The following SNX29 variants were observed in gnomAD, a reference collection of about 807,000 sequenced individuals.
The protein encoded by SNX29 is sorting nexin-29.
Under a neutral mutation model 102.1 loss-of-function variants are expected in SNX29, and 78 were observed. That is an observed-to-expected ratio of 0.76 (90% CI 0.64 to 0.92). The LOEUF (loss-of-function observed/expected upper bound fraction) is 0.92. Among genes scored for constraint, SNX29 ranks in the 40% least tolerant of loss-of-function variants. The pLI, the probability that SNX29 is intolerant of heterozygous loss-of-function variation, is 0.00. For missense variants in SNX29, 1,280 were observed against 1,061.7 expected, an observed-to-expected ratio of 1.21 and a Z score of -2.86; for synonymous variants, 580 against 414.5, an observed-to-expected ratio of 1.40 and a Z score of -4.85.
intron 9 of SNX29, among the ~76,000 whole-genome samples, chr16:12,065,209 A>C (rs1320408307): frequency 6.6e-6 from 1 of 152,164 alleles, no homozygotes; most frequent in Non-Finnish European, 1.5e-5. Context: ...CCAGGTTGCA[A>C]GAGGAGACCC....
At chr16:12,363,686 A>G (rs767634316) in intron 16 of SNX29, among the ~76,000 whole-genome samples, 1 of 152,232 alleles carries the variant, frequency 6.6e-6, no homozygotes, top group African/African-American at 2.4e-5. Flanking sequence ...GGCTGAGTGC[A>G]TAGACCAAAT....
chr16:12,172,809 G>C (rs142842348), intron 13 of SNX29, among the ~76,000 whole-genome samples: 338 of 152,348 alleles, frequency 2.2e-3, no homozygotes, highest in African/African-American at 7.7e-3. Context: ...TAATGGATGT[G>C]AAGTGGCACA....
chr16:12,398,538 G>GA, intron 17 of SNX29, 37 bp downstream of exon 17: 1 of 1,611,302 alleles, frequency 6.2e-7, no homozygotes, highest in African/African-American at 1.3e-5. Flanking sequence ...GGGTCCTTTA[G>GA]AAACTGGACT....
chr16:12,423,635 A>G (rs531420004), intron 18 of SNX29, among the ~76,000 whole-genome samples: 2 of 152,152 alleles, frequency 1.3e-5, no homozygotes, highest in Non-Finnish European at 2.9e-5. Context: ...CAGTGGCGCC[A>G]TCTTGGCTCA....
rs1005503157 is a variant in SNX29 at position 12,573,532 on chromosome 16, G to C, written c.*4903G>C. ...AGGCCCAGGGATTTAGTTCTTACTG[G>C]TGCGTAAGTGTTTTCCCATCCTAAC... On this transcript the variant is annotated 3_prime_UTR_variant, in exon 21 of 21. Coordinates refer to ENST00000566228, the MANE Select transcript of SNX29 (RefSeq NM_032167.5). 1.8e-5 allele frequency: 4 copies of C among 224,762 alleles called. No homozygotes were observed. Among genetic ancestry groups the C allele is most frequent in the African/African-American group, 8.9e-5 (4 of 44,898 alleles). The allele number at this position is 224,762 out of a possible 1,614,324, so 13.9% of individuals were successfully genotyped here. A position where few individuals can be genotyped will look rare whatever the true frequency, so the allele number is the denominator to read the frequency against.
chr16:12,200,068 C>T (rs2076875434), intron 14 of SNX29, among the ~76,000 whole-genome samples: 1 of 152,114 alleles, frequency 6.6e-6, no homozygotes, highest in African/African-American at 2.4e-5. Context: ...TTAGGCTGAT[C>T]AGGTTCCAAT....
rs571694461 is a variant in SNX29, at chr16:12,360,141, A to G, written c.1899+3862A>G. On this transcript the variant is annotated intron_variant, in intron 16 of 20. Transcript: ENST00000566228. ...ACCTGGCCTAACACCTATTGTTAAC[A>G]GTAATTTCATGATATCATGAAATAC... Among the ~76,000 whole-genome samples the G allele has an allele frequency of 1.3e-3, 197 of 152,344 alleles. 1 individual carries two copies. The highest frequency in any genetic ancestry group is 4.6e-3 in the South Asian group (22 of 4,826).
chr16:12,558,549 G>A (rs866339739), intron 20 of SNX29, among the ~76,000 whole-genome samples: 9 of 152,212 alleles, frequency 5.9e-5, no homozygotes, highest in African/African-American at 1.4e-4. Flanking sequence ...ACAGTGCCAT[G>A]CCTCTCAGTA....
At chr16:12,325,272 T>C (rs2081081962) in intron 15 of SNX29, among the ~76,000 whole-genome samples, 1 of 152,198 alleles carries the variant, frequency 6.6e-6, no homozygotes, top group African/African-American at 2.4e-5. Flanking sequence ...GTCACAGACA[T>C]TTATTTGCAT....
chr16:12,076,328 T>C (rs2051567695), intron 10 of SNX29, among the ~76,000 whole-genome samples: 1 of 148,036 alleles, frequency 6.8e-6, no homozygotes, highest in Non-Finnish European at 1.5e-5. Flanking sequence ...TTTGAGACAG[T>C]CTTACTCTGT....
At chr16:12,338,675 G>T (rs1203716515) in intron 15 of SNX29, among the ~76,000 whole-genome samples, 2 of 152,168 alleles carry the variant, frequency 1.3e-5, no homozygotes, top group African/African-American at 4.8e-5. Context: ...AGGCAAATCA[G>T]AAATGGCTAG....
intron 20 of SNX29, among the ~76,000 whole-genome samples, chr16:12,549,432 T>G (rs1007284853): frequency 2.1e-4 from 32 of 152,146 alleles, no homozygotes; most frequent in African/African-American, 7.2e-4. Flanking sequence ...GAGGTGGAGG[T>G]TGCAGTGACC....
At chr16:12,073,273 A>G (rs2051383371) in intron 10 of SNX29, among the ~76,000 whole-genome samples, 1 of 151,514 alleles carries the variant, frequency 6.6e-6, no homozygotes, top group African/African-American at 2.4e-5. Context: ...TAGGGTGTGA[A>G]TTTTGGATCT....
chr16:12,528,027 G>A lies in SNX29; in HGVS notation c.2318+3186G>A, dbSNP rs986748902. 9.9e-5 allele frequency among the ~76,000 whole-genome samples: 15 copies of A among 151,080 alleles called. No homozygotes were observed. In the South Asian group the frequency reaches 1.5e-3, roughly 15 times the overall value. On this transcript the variant is annotated intron_variant, in intron 20 of 20. Coordinates refer to ENST00000566228, the MANE Select transcript of SNX29 (RefSeq NM_032167.5). ...TTTTTAGTAGAGATGGGGTTTCACCGTGTTAGCCAGGATGGTCTCGATCTC... is the reference window on the plus strand; with the variant it reads ...TTTTTAGTAGAGATGGGGTTTCACCATGTTAGCCAGGATGGTCTCGATCTC...
At chr16:12,084,302 C>T (rs1415223220) in intron 11 of SNX29, among the ~76,000 whole-genome samples, 2 of 152,174 alleles carry the variant, frequency 1.3e-5, no homozygotes, top group Non-Finnish European at 1.5e-5. Flanking sequence ...CCCGCCACCA[C>T]ACCCAGCTAA....
intron 19 of SNX29, among the ~76,000 whole-genome samples, chr16:12,505,720 C>G (rs1039970346): frequency 8.4e-6 from 1 of 119,038 alleles, no homozygotes; most frequent in Non-Finnish European, 1.6e-5. Flanking sequence ...TCTCTGGGTT[C>G]CTTAGTTTTT....
At chr16:12,073,147 G>GT (rs544488598) in intron 10 of SNX29, among the ~76,000 whole-genome samples, 1,754 of 151,842 alleles carry the variant, frequency 0.012, 46 homozygotes, top group African/African-American at 0.04. Context: ...TTTTTGAAGG[G>GT]TTTTTTGTGT....
intron 18 of SNX29, among the ~76,000 whole-genome samples, chr16:12,422,798 C>T (rs1294213644): frequency 1.3e-5 from 2 of 152,248 alleles, no homozygotes; most frequent in Admixed American, 6.5e-5. Context: ...CTTCAGCCCC[C>T]GACAGAGCAG....
chr16:12,226,040 C>T (rs1040609131), intron 14 of SNX29, among the ~76,000 whole-genome samples: 6 of 152,188 alleles, frequency 3.9e-5, no homozygotes, highest in Admixed American at 2.0e-4. Flanking sequence ...CTAAACCCCT[C>T]GCATACAAAT....
Sources: gnomAD v4.1 joint callset for allele counts (sites outside exome capture counted in the v4.1 genomes callset) on GRCh38, gnomAD v4.1.1 for gene constraint, MANE v1.5 for transcripts, NCBI Gene and HGNC (gene_info 2026-07-23, HGNC 2026-07-21) for gene names.